The following THSD4 variants were observed in gnomAD, a reference collection of about 807,000 sequenced individuals.
THSD4 encodes the protein thrombospondin type 1 domain containing 4, also known as thrombospondin type-1 domain-containing protein 4.
THSD4 carries 69 observed loss-of-function variants against 119.0 expected under a neutral mutation model. The observed-to-expected ratio is 0.58, with a 90% CI of 0.48 to 0.71. The LOEUF is 0.71. Among genes scored for constraint, THSD4 ranks in the 30% least tolerant of loss-of-function variants. THSD4 has a pLI of 0.00. For synonymous variants in THSD4, 524 were observed against 540.4 expected (o/e 0.97, Z 0.42); for missense variants, 1,393 against 1,391.1 (o/e 1.00, Z -0.02).
chr15:71,611,666 G>T (rs2050231993), intron 7 of THSD4, among the ~76,000 whole-genome samples: 1 of 152,248 alleles, frequency 6.6e-6, no homozygotes, highest in Non-Finnish European at 1.5e-5. Flanking sequence ...AACAGAGAAG[G>T]ATTAACCCGG....
At position 71,777,440 on chromosome 15, in the gene THSD4, GCT is replaced by G; in HGVS notation, c.*67_*68del. The G allele has an allele frequency of 6.5e-7, 1 of 1,541,092 alleles. No individual in the cohort carries two copies. On this transcript the variant is annotated 3_prime_UTR_variant, in exon 18 of 18. Transcript: ENST00000261862. ...CCCGGGGGCTTCAGCAGTGCGCCTG[GCT>G]GGCTGCTGCTCCACCACGGGCCCCC...
intron 1 of THSD4, among the ~76,000 whole-genome samples, chr15:71,134,768 A>T (rs1254447639): frequency 6.6e-6 from 1 of 152,182 alleles, no homozygotes; most frequent in African/African-American, 2.4e-5. Context: ...ATTTCTCCAC[A>T]TCCTCTCCAG....
chr15:71,535,950 A>AT (rs2048684002), intron 7 of THSD4, among the ~76,000 whole-genome samples: 1 of 151,994 alleles, frequency 6.6e-6, no homozygotes, highest in Non-Finnish European at 1.5e-5. Flanking sequence ...CCATTTATTT[A>AT]TTTTTCCTTT....
intron 1 of THSD4, among the ~76,000 whole-genome samples, chr15:71,119,707 C>A (rs1273845802): frequency 6.6e-6 from 1 of 152,196 alleles, no homozygotes; most frequent in Non-Finnish European, 1.5e-5. Context: ...GTTCAAGAGC[C>A]CCAAGTTGCT....
chr15:71,194,122 C>T (rs1042127442), intron 3 of THSD4, among the ~76,000 whole-genome samples: 1 of 152,222 alleles, frequency 6.6e-6, no homozygotes, highest in Admixed American at 6.5e-5. Flanking sequence ...GTGAGGCCTT[C>T]CCAGCCACGT....
intron 1 of THSD4, among the ~76,000 whole-genome samples, chr15:71,109,662 C>A (rs1195539410): frequency 6.6e-6 from 1 of 151,572 alleles, no homozygotes; most frequent in Non-Finnish European, 1.5e-5. Context: ...TTTTATGACA[C>A]CAAACTGCTG....
intron 8 of THSD4, among the ~76,000 whole-genome samples, chr15:71,665,952 G>C (rs947162713): frequency 6.6e-6 from 1 of 152,152 alleles, no homozygotes; most frequent in Non-Finnish European, 1.5e-5. Context: ...TTCCAGCCTT[G>C]TTCTTTTTGC....
chr15:71,614,325 A>G (rs779953863), intron 7 of THSD4, among the ~76,000 whole-genome samples: 1 of 152,118 alleles, frequency 6.6e-6, no homozygotes, highest in Non-Finnish European at 1.5e-5. Flanking sequence ...CTAATTACCA[A>G]AACCAATTGT....
chr15:71,678,610 T>C (rs938835659), intron 8 of THSD4, among the ~76,000 whole-genome samples: 1 of 152,208 alleles, frequency 6.6e-6, no homozygotes, highest in African/African-American at 2.4e-5. Flanking sequence ...GAAGGGGTGG[T>C]CTTTGAAGAT....
chr15:71,562,498 G>C (rs559394598), intron 7 of THSD4, among the ~76,000 whole-genome samples: 4 of 152,062 alleles, frequency 2.6e-5, no homozygotes, highest in Non-Finnish European at 5.9e-5. Context: ...AAAGTGGTTC[G>C]CATATATGCC....
intron 7 of THSD4, among the ~76,000 whole-genome samples, chr15:71,640,100 T>A (rs906560905): frequency 2.2e-4 from 34 of 152,138 alleles, no homozygotes; most frequent in African/African-American, 8.0e-4. Flanking sequence ...CTTTTTCTTT[T>A]ATTGGACAGT....
At chr15:71,643,443 T>A (rs186387147) in intron 7 of THSD4, among the ~76,000 whole-genome samples, 4,805 of 152,208 alleles carry the variant, frequency 0.032, 226 homozygotes, top group African/African-American at 0.11. Context: ...TTATTTTTTC[T>A]GCTCCTCTCC....
chr15:71,188,453 C>T (rs975671414), intron 3 of THSD4, among the ~76,000 whole-genome samples: 3 of 152,036 alleles, frequency 2.0e-5, no homozygotes, highest in Admixed American at 6.6e-5. Context: ...TTGTGCTTTA[C>T]CCTGGGGGCT....
At chr15:71,381,777 C>A (rs1223497017) in intron 6 of THSD4, among the ~76,000 whole-genome samples, 2 of 152,046 alleles carry the variant, frequency 1.3e-5, no homozygotes, top group African/African-American at 4.8e-5. Flanking sequence ...TTTTAGTAAT[C>A]CCACACAATT....
At chr15:71,252,133 G>A (rs1363184081) in intron 5 of THSD4, among the ~76,000 whole-genome samples, 1 of 151,800 alleles carries the variant, frequency 6.6e-6, no homozygotes, top group East Asian at 1.9e-4. Context: ...CTTTTCCCCT[G>A]TCTCAGTTTT....
intron 3 of THSD4, among the ~76,000 whole-genome samples, chr15:71,166,847 G>A (rs956448222): frequency 6.6e-6 from 1 of 152,168 alleles, no homozygotes; most frequent in Non-Finnish European, 1.5e-5. Flanking sequence ...TGAGCAAAGT[G>A]TATCACATCT....
At chr15:71,303,105 G>T (rs1423787924) in intron 6 of THSD4, among the ~76,000 whole-genome samples, 1 of 152,080 alleles carries the variant, frequency 6.6e-6, no homozygotes, top group African/African-American at 2.4e-5. Flanking sequence ...TACCCAGGAG[G>T]ATAAGCTTTC....
chr15:71,426,168 G>T (rs2046864289), intron 7 of THSD4, among the ~76,000 whole-genome samples: 2 of 152,220 alleles, frequency 1.3e-5, no homozygotes, highest in South Asian at 4.1e-4. Flanking sequence ...CTCACACTCA[G>T]TGTGGGCTTT....
At chr15:71,108,279 G>A (rs1000371555) in intron 1 of THSD4, among the ~76,000 whole-genome samples, 1 of 152,242 alleles carries the variant, frequency 6.6e-6, no homozygotes, top group African/African-American at 2.4e-5. Flanking sequence ...ATTCTGGCAA[G>A]AGGCTGAGTT....
Sources: allele counts gnomAD v4.1 joint callset (sites outside exome capture counted in the v4.1 genomes callset), GRCh38; gene constraint gnomAD v4.1.1; transcripts MANE v1.5; gene names NCBI Gene and HGNC (gene_info 2026-07-23, HGNC 2026-07-21).